The following PHACTR1 variants were observed in gnomAD, a reference collection of about 807,000 sequenced individuals.
PHACTR1 encodes phosphatase and actin regulator 1.
PHACTR1 carries 16 observed loss-of-function variants against 69.2 expected under a neutral mutation model. The observed-to-expected ratio is 0.23, with a 90% CI of 0.16 to 0.35. PHACTR1 has a LOEUF of 0.35. Among genes scored for constraint, PHACTR1 ranks in the 10% least tolerant of loss-of-function variants. PHACTR1 has a pLI of 1.00. For missense variants in PHACTR1, 510 were observed against 734.7 expected (o/e 0.69, Z 3.54); for synonymous variants, 312 against 284.5 (o/e 1.10, Z -0.97).
intron 4 of PHACTR1, among the ~76,000 whole-genome samples, chr6:13,048,359 T>C (rs2127726760): frequency 6.6e-6 from 1 of 152,306 alleles, no homozygotes; most frequent in East Asian, 1.9e-4. Flanking sequence ...CAGGCCAAAG[T>C]GAAGCTGTCT....
At chr6:12,818,560 C>A (rs1775851522) in intron 4 of PHACTR1, among the ~76,000 whole-genome samples, 1 of 152,174 alleles carries the variant, frequency 6.6e-6, no homozygotes, top group South Asian at 2.1e-4. Context: ...GAAGTTGCTG[C>A]AAAGAATTTG....
intron 10 of PHACTR1, chr6:13,253,125 A>G (rs758078341): frequency 3.0e-5 from 13 of 429,658 alleles, no homozygotes; most frequent in Non-Finnish European, 6.2e-5. Context: ...CCCACCCTCT[A>G]TCCTCAGCCC....
chr6:13,112,684 A>G (rs1164062744), intron 5 of PHACTR1, among the ~76,000 whole-genome samples: 2 of 152,172 alleles, frequency 1.3e-5, no homozygotes, highest in African/African-American at 4.8e-5. Flanking sequence ...CATTTTTTGA[A>G]GTGTCTTTTC....
chr6:13,144,886 G>C (rs910648282), intron 5 of PHACTR1, among the ~76,000 whole-genome samples: 1 of 152,026 alleles, frequency 6.6e-6, no homozygotes, highest in African/African-American at 2.4e-5. Flanking sequence ...CTAATGATGA[G>C]GCTACAGTGA....
At chr6:13,263,858 C>T (rs1776255982) in intron 10 of PHACTR1, among the ~76,000 whole-genome samples, 3 of 152,158 alleles carry the variant, frequency 2.0e-5, no homozygotes, top group Admixed American at 1.3e-4. Flanking sequence ...ACCACGTCGT[C>T]GTGCTCTGCT....
intron 6 of PHACTR1, among the ~76,000 whole-genome samples, chr6:13,166,001 C>T (rs1179119271): frequency 1.3e-5 from 2 of 152,214 alleles, no homozygotes. Flanking sequence ...ATGGTCTGCC[C>T]TCCAACCCCT....
intron 3 of PHACTR1, among the ~76,000 whole-genome samples, chr6:12,720,499 G>A (rs1761975011): frequency 1.3e-5 from 2 of 152,202 alleles, no homozygotes; most frequent in African/African-American, 2.4e-5. Flanking sequence ...GGAGCTGGGG[G>A]TGGAGTGGTC....
chr6:13,124,409 G>T (rs1482888572), intron 5 of PHACTR1, among the ~76,000 whole-genome samples: 1 of 152,140 alleles, frequency 6.6e-6, no homozygotes, highest in Non-Finnish European at 1.5e-5. Flanking sequence ...TCATCCGAGA[G>T]CATTTAGGTA....
At chr6:13,094,856 C>T (rs1438959703) in intron 5 of PHACTR1, among the ~76,000 whole-genome samples, 1 of 152,098 alleles carries the variant, frequency 6.6e-6, no homozygotes, top group Non-Finnish European at 1.5e-5. Flanking sequence ...TTCTTTCTCC[C>T]TTTTATGGAC....
chr6:13,277,629 C>CAACA (rs1779192907), intron 11 of PHACTR1, among the ~76,000 whole-genome samples: 1 of 151,712 alleles, frequency 6.6e-6, no homozygotes, highest in Non-Finnish European at 1.5e-5. Context: ...CCCCAAATGC[C>CAACA]TGTGTGTCCC....
chr6:13,176,211 GA>G (rs1252173024), intron 6 of PHACTR1, among the ~76,000 whole-genome samples: 2 of 152,028 alleles, frequency 1.3e-5, no homozygotes, highest in Non-Finnish European at 2.9e-5. Flanking sequence ...TCTTGCAGGG[GA>G]AAAAAAGTGA....
At position 12,788,279 on chromosome 6, in the gene PHACTR1, A is replaced by G. The variant is rs190831316; in HGVS notation, c.250+38489A>G. Among the ~76,000 whole-genome samples, 3 of 152,064 alleles carry G rather than the reference A, an allele frequency of 2.0e-5. No homozygotes were observed. The East Asian group carries it at 5.8e-4, about 29-fold the overall frequency. ...CTAAGTGGTGATATTTCCAATTTCT[A>G]CCACTTAGCGAGATGAGGGCTTTGC... On this transcript the variant is annotated intron_variant, in intron 4 of 14. Coordinates refer to ENST00000332995, the MANE Select transcript of PHACTR1 (RefSeq NM_030948.6).
intron 3 of PHACTR1, among the ~76,000 whole-genome samples, chr6:12,733,334 A>G (rs1351004388): frequency 2.0e-5 from 3 of 152,192 alleles, no homozygotes; most frequent in Non-Finnish European, 4.4e-5. Flanking sequence ...CTAACATATA[A>G]CAGAAACTAT....
At chr6:13,092,582 A>G (rs144703189) in intron 5 of PHACTR1, among the ~76,000 whole-genome samples, 43 of 152,316 alleles carry the variant, frequency 2.8e-4, no homozygotes, top group Admixed American at 7.8e-4. Flanking sequence ...TGCTATTATT[A>G]TTACATTGCA....
intron 5 of PHACTR1, among the ~76,000 whole-genome samples, chr6:13,132,268 C>G (rs1353807940): frequency 6.6e-6 from 1 of 152,152 alleles, no homozygotes; most frequent in Non-Finnish European, 1.5e-5. Flanking sequence ...AACTCTTTCC[C>G]TTCCAGTTCC....
At chr6:13,163,822 G>A (rs1041232039) in intron 6 of PHACTR1, among the ~76,000 whole-genome samples, 1 of 152,152 alleles carries the variant, frequency 6.6e-6, no homozygotes, top group African/African-American at 2.4e-5. Context: ...GAGGATTACA[G>A]GAGATAGCAC....
Position 12,717,595 on chromosome 6 carries a change from T to C in PHACTR1, c.-195T>C, listed in dbSNP as rs564006452. Reference sequence around the variant, plus strand: ...ATTTTATCTGATAAAGGAAGTCCAGTGGACTGTATGCATTATTCATCACTG... The same window carrying C: ...ATTTTATCTGATAAAGGAAGTCCAGCGGACTGTATGCATTATTCATCACTG... On this transcript the variant is annotated 5_prime_UTR_variant, in exon 2 of 15. Coordinates refer to ENST00000332995, the MANE Select transcript of PHACTR1 (RefSeq NM_030948.6). 2.0e-5 allele frequency: 3 copies of C among 152,308 alleles called. No homozygotes were observed. In the South Asian group the frequency reaches 6.2e-4, roughly 32 times the overall value. 9.4% of individuals were successfully genotyped at this position (152,308 alleles called of 1,614,324 possible).
At chr6:12,726,273 G>T (rs1162616878) in intron 3 of PHACTR1, among the ~76,000 whole-genome samples, 1 of 152,154 alleles carries the variant, frequency 6.6e-6, no homozygotes, top group African/African-American at 2.4e-5. Flanking sequence ...AGTCTGGGAT[G>T]ATGGAGTTTT....
intron 4 of PHACTR1, among the ~76,000 whole-genome samples, chr6:12,917,603 A>C (rs1787155217): frequency 6.6e-6 from 1 of 152,178 alleles, no homozygotes; most frequent in East Asian, 1.9e-4. Context: ...AGTTAAAAAT[A>C]AAAATTAGCC....
Sources: gnomAD v4.1 joint callset for allele counts (sites outside exome capture counted in the v4.1 genomes callset) on GRCh38, gnomAD v4.1.1 for gene constraint, MANE v1.5 for transcripts, NCBI Gene and HGNC (gene_info 2026-07-23, HGNC 2026-07-21) for gene names.